ACYP2: variants seen among roughly 807,000 people sequenced by gnomAD.
The protein encoded by ACYP2 is acylphosphatase 2.
ACYP2 carries 12 observed loss-of-function variants against 11.2 expected under a neutral mutation model. That is an observed-to-expected ratio of 1.08 (90% confidence interval 0.69 to 1.74). The LOEUF is 1.74. ACYP2 is among the 40% of genes most tolerant of loss of function. The pLI is 0.00. For synonymous variants in ACYP2, 43 were observed against 32.2 expected (o/e 1.33, Z -1.13); for missense variants, 134 against 101.9 (o/e 1.31, Z -1.35).
chr2:54,203,350 C>G (rs986951213), intron 6 of ACYP2, among the ~76,000 whole-genome samples: 6 of 152,184 alleles, frequency 3.9e-5, no homozygotes, highest in African/African-American at 7.2e-5. Flanking sequence ...TTTACTACTT[C>G]TAACAGGTTT....
chr2:54,160,275 G>T (rs1682653323), intron 6 of ACYP2, among the ~76,000 whole-genome samples: 1 of 152,148 alleles, frequency 6.6e-6, no homozygotes, highest in South Asian at 2.1e-4. Flanking sequence ...CAAGGCTGGG[G>T]GAAGGGATGG....
At chr2:54,092,238 T>C (rs1323272891) in intron 4 of ACYP2, among the ~76,000 whole-genome samples, 1 of 152,158 alleles carries the variant, frequency 6.6e-6, no homozygotes, top group Non-Finnish European at 1.5e-5. Context: ...GGCACTTTCA[T>C]TTACAAGTGG....
intron 6 of ACYP2, among the ~76,000 whole-genome samples, chr2:54,298,459 T>C (rs575481989): frequency 6.6e-6 from 1 of 152,258 alleles, no homozygotes; most frequent in East Asian, 1.9e-4. Flanking sequence ...TTAAAAACCC[T>C]TAAAAACACC....
chr2:54,227,063 G>A (rs1572961705), intron 6 of ACYP2, among the ~76,000 whole-genome samples: 1 of 152,052 alleles, frequency 6.6e-6, no homozygotes, highest in South Asian at 2.1e-4. Flanking sequence ...CAAGCCATTG[G>A]GTACAAATAC....
chr2:54,271,265 G>T (rs150809907), intron 6 of ACYP2, among the ~76,000 whole-genome samples: 85 of 152,318 alleles, frequency 5.6e-4, no homozygotes, highest in African/African-American at 2.0e-3. Context: ...CCTCAATTCT[G>T]CTCAAATGTA....
intron 6 of ACYP2, among the ~76,000 whole-genome samples, chr2:54,278,425 G>A (rs1389200100): frequency 6.6e-6 from 1 of 152,176 alleles, no homozygotes; most frequent in Non-Finnish European, 1.5e-5. Context: ...TTGGTGGTTG[G>A]AATAGAAAAA....
chr2:53,988,440 AC>A (rs1285877321), intron 2 of ACYP2, among the ~76,000 whole-genome samples: 1 of 152,100 alleles, frequency 6.6e-6, no homozygotes, highest in Admixed American at 6.6e-5. Context: ...TTGCTCTGTC[AC>A]CCAGGCTGGA....
intron 6 of ACYP2, among the ~76,000 whole-genome samples, chr2:54,290,081 T>C (rs1689234303): frequency 6.6e-6 from 1 of 152,108 alleles, no homozygotes; most frequent in Non-Finnish European, 1.5e-5. Flanking sequence ...TGTGCGCAAA[T>C]TGCATCAGGC....
chr2:54,251,730 C>T (rs1687235265), intron 6 of ACYP2, among the ~76,000 whole-genome samples: 1 of 152,158 alleles, frequency 6.6e-6, no homozygotes, highest in Non-Finnish European at 1.5e-5. Context: ...GGCAGGTGTG[C>T]TTATAGTCTT....
intron 4 of ACYP2, among the ~76,000 whole-genome samples, chr2:54,095,519 C>A (rs1195173233): frequency 1.3e-5 from 2 of 148,552 alleles, no homozygotes; most frequent in Admixed American, 6.7e-5. Context: ...GGGGGCTGAC[C>A]CCCCCACCTC....
chr2:54,003,837 C>T (rs1489378403), intron 2 of ACYP2, among the ~76,000 whole-genome samples: 1 of 152,172 alleles, frequency 6.6e-6, no homozygotes, highest in Non-Finnish European at 1.5e-5. Context: ...GCGCCTATGC[C>T]ATTTTGCATT....
At position 54,165,533 on chromosome 2, in the gene ACYP2, TCTCA is replaced by T. The variant is rs1477109306; in HGVS notation, c.404+26787_404+26790del. On this transcript the variant is annotated intron_variant, in intron 6 of 6. Transcript: ENST00000607452. The stretch of plus-strand genomic sequence containing the variant: ...CTCTTTCACTCTCTCTCTCTCTCTC[TCTCA>T]CACACACACACACACACACACACAC... Among the ~76,000 whole-genome samples the T allele has an allele frequency of 5.3e-3, 661 of 123,706 alleles. 1 individual carries two copies. The highest frequency in any genetic ancestry group is 0.014 in the South Asian group (50 of 3,696). The allele number at this position is 123,706 out of a possible 152,430, so 81.2% of individuals were successfully genotyped here.
At chr2:54,019,598 G>T (rs1043903233) in intron 2 of ACYP2, among the ~76,000 whole-genome samples, 2 of 148,164 alleles carry the variant, frequency 1.3e-5, no homozygotes, top group African/African-American at 4.9e-5. Context: ...ACCATTCCTG[G>T]CCCCTGTGCT....
At chr2:54,059,192 A>G (rs1676333426) in intron 4 of ACYP2, among the ~76,000 whole-genome samples, 1 of 150,614 alleles carries the variant, frequency 6.6e-6, no homozygotes. Flanking sequence ...CCATCTTATC[A>G]TTTTTCTTTC....
chr2:54,266,198 T>A (rs2628196), intron 6 of ACYP2, among the ~76,000 whole-genome samples: 37,748 of 152,080 alleles, frequency 0.25, 4,807 homozygotes, highest in South Asian at 0.4. Context: ...CTAAAGGACT[T>A]TTTAGTATTA....
intron 4 of ACYP2, among the ~76,000 whole-genome samples, chr2:54,107,920 G>A (rs539968911): frequency 6.6e-6 from 1 of 152,316 alleles, no homozygotes; most frequent in South Asian, 2.1e-4. Flanking sequence ...TGTTGCTATA[G>A]CTGCTGGATT....
At chr2:54,072,477 TTTCTTTC>T in intron 4 of ACYP2, among the ~76,000 whole-genome samples, 1 of 110,740 alleles carries the variant, frequency 9.0e-6, no homozygotes, top group East Asian at 4.2e-4. Flanking sequence ...TTTTTCTTTC[TTTCTTTC>T]TTTTTTCTTT....
intron 4 of ACYP2, among the ~76,000 whole-genome samples, chr2:54,091,489 T>TTTTATTTATTTATTTATTTA (rs58827967): frequency 2.1e-5 from 3 of 143,656 alleles, no homozygotes; most frequent in African/African-American, 5.2e-5. Flanking sequence ...ACTCTCTTGA[T>TTTTATTTATTTATTTATTTA]TTTATTTATT....
intron 2 of ACYP2, among the ~76,000 whole-genome samples, chr2:53,975,746 C>T (rs1028179076): frequency 6.6e-6 from 1 of 151,850 alleles, no homozygotes; most frequent in African/African-American, 2.4e-5. Context: ...GCAGGAGAAT[C>T]GCTTAAACCC....
Sources: allele counts gnomAD v4.1 joint callset (sites outside exome capture counted in the v4.1 genomes callset), GRCh38; gene constraint gnomAD v4.1.1; transcripts MANE v1.5; gene names NCBI Gene and HGNC (gene_info 2026-07-23, HGNC 2026-07-21).